SLC9A6: variants seen among roughly 807,000 people sequenced by gnomAD.
SLC9A6 encodes sodium/hydrogen exchanger 6.
In SLC9A6, 6 loss-of-function variants were observed where a neutral mutation model predicts 45.3. That is an observed-to-expected ratio of 0.13 (90% CI 0.07 to 0.26). The LOEUF (loss-of-function observed/expected upper bound fraction) is 0.26. Among genes scored for constraint, SLC9A6 ranks in the 10% least tolerant of loss-of-function variants. The pLI, the probability that SLC9A6 is intolerant of heterozygous loss-of-function variation, is 1.00. For missense variants in SLC9A6, 278 were observed against 503.7 expected (o/e 0.55, Z 4.29); for synonymous variants, 191 against 187.7 (o/e 1.02, Z -0.14).
chrX:136,035,107 C>T (rs1183910851), intron 16 of SLC9A6, among the ~76,000 whole-genome samples: 1 of 111,802 alleles, frequency 8.9e-6, no homozygotes, highest in Non-Finnish European at 1.9e-5. Context: ...CCTATTAAGT[C>T]CTACTCAATG....
intron 15 of SLC9A6, 23 bp from the exon 16 acceptor site, chrX:136,033,391 A>G (rs1556621387): frequency 9.9e-7 from 1 of 1,010,408 alleles, no homozygotes; most frequent in Admixed American, 2.2e-5. Flanking sequence ...ATAGATATTG[A>G]TTTCTGTATT....
At chrX:135,978,928 C>A (rs782314524) in intron 1 of SLC9A6, among the ~76,000 whole-genome samples, 4 of 110,564 alleles carry the variant, frequency 3.6e-5, no homozygotes, top group Non-Finnish European at 7.6e-5. Flanking sequence ...ACACCAGATA[C>A]CACCACACTA....
chrX:135,978,651 C>CA (rs201997429), intron 1 of SLC9A6, among the ~76,000 whole-genome samples: 10,833 of 80,903 alleles, frequency 0.13, 525 homozygotes, highest in Admixed American at 0.17. Context: ...GACTCCATCT[C>CA]AAAAAAAAAA....
At chrX:136,038,467 G>A (rs782400216) in intron 16 of SLC9A6, among the ~76,000 whole-genome samples, 1 of 111,706 alleles carries the variant, frequency 9.0e-6, no homozygotes, top group East Asian at 2.8e-4. Flanking sequence ...TGATTTTTGT[G>A]TCTATTTTTA....
At chrX:136,039,902 A>G in intron 16 of SLC9A6, 174 bp from the exon 17 acceptor site, 1 of 483,935 alleles carries the variant, frequency 2.1e-6, no homozygotes, top group East Asian at 3.7e-5. Flanking sequence ...GAGATGATAA[A>G]ATACCCCTTT....
intron 3 of SLC9A6, 23 bp downstream of exon 3, chrX:135,995,008 T>C (rs1556616297): frequency 1.9e-6 from 2 of 1,069,133 alleles, no homozygotes; most frequent in Non-Finnish European, 2.6e-6. Context: ...AGGAAATCTT[T>C]GAATCTTTTT....
chrX:135,989,916 G>T (rs1189268105), intron 2 of SLC9A6, among the ~76,000 whole-genome samples: 1 of 110,032 alleles, frequency 9.1e-6, no homozygotes, highest in African/African-American at 3.3e-5. Context: ...TTTTGTTTTT[G>T]TTTTTGTTTT....
intron 3 of SLC9A6, among the ~76,000 whole-genome samples, chrX:135,996,911 C>T (rs782733742): frequency 9.1e-5 from 10 of 109,531 alleles, no homozygotes; most frequent in South Asian, 7.9e-4. Flanking sequence ...GGACTACAGG[C>T]GCCCGCCACC....
Position 136,045,935 on chromosome X carries a change from C to A in SLC9A6, c.*1211C>A, listed in dbSNP as rs896910904. 2 of 110,022 alleles carry A rather than the reference C, an allele frequency of 1.8e-5. No homozygotes were observed. Among genetic ancestry groups the A allele is most frequent in the Non-Finnish European group, 3.8e-5 (2 of 52,668 alleles). The allele number at this position is 110,022 out of a possible 1,213,427, so 9.1% of individuals were successfully genotyped here. A position where few individuals can be genotyped will look rare whatever the true frequency, so the allele number is the denominator to read the frequency against. ...TACGTTTTAATATTAATTACCTAAGCTGCCATGCATTTTTTTTTTTACAGT... is the reference window on the plus strand; with the variant it reads ...TACGTTTTAATATTAATTACCTAAGATGCCATGCATTTTTTTTTTTACAGT... On this transcript the variant is annotated 3_prime_UTR_variant, in exon 18 of 18. Transcript: ENST00000630721.
At chrX:135,985,519 G>T in intron 1 of SLC9A6, 42 bp downstream of exon 1, 1 of 1,121,799 alleles carries the variant, frequency 8.9e-7, no homozygotes, top group African/African-American at 1.8e-5. Context: ...CGGCGCGGCT[G>T]GCGGCGGGCA....
chrX:135,975,562 A>G (rs1322068383), intron 1 of SLC9A6, among the ~76,000 whole-genome samples: 1 of 112,405 alleles, frequency 8.9e-6, no homozygotes, highest in Non-Finnish European at 1.9e-5. Flanking sequence ...GAGAGAACAG[A>G]GATTTCTCTG....
At chrX:136,005,646 C>T (rs1556617876) in intron 7 of SLC9A6, among the ~76,000 whole-genome samples, 1 of 104,646 alleles carries the variant, frequency 9.6e-6, no homozygotes, top group East Asian at 3.0e-4. Context: ...TCGGCACTGC[C>T]CTCCAGCCTG....
chrX:136,028,553 G>T (rs781966745), intron 13 of SLC9A6, among the ~76,000 whole-genome samples: 1 of 112,435 alleles, frequency 8.9e-6, no homozygotes, highest in African/African-American at 3.2e-5. Context: ...TATTACAAGT[G>T]TGCTATCTTC....
intron 2 of SLC9A6, among the ~76,000 whole-genome samples, chrX:135,986,305 A>G (rs1356730854): frequency 9.0e-6 from 1 of 110,541 alleles, no homozygotes; most frequent in Non-Finnish European, 1.9e-5. Flanking sequence ...ACCTTTACTC[A>G]ACACCTAGCT....
chrX:136,026,401 G>T lies in SLC9A6; in HGVS notation c.1460+1918G>T, dbSNP rs1028662494. Among the ~76,000 whole-genome samples, 3 of 111,862 alleles carry T rather than the reference G, an allele frequency of 2.7e-5. No individual in the cohort carries two copies. The East Asian group carries it at 8.4e-4, about 31-fold the overall frequency. ...TATGTTATAGTACCTACCTCCTTGG[G>T]TTGTTGTAAGGATTCAGTGAGCTAA... On this transcript the variant is annotated intron_variant, in intron 13 of 17. Transcript: ENST00000630721.
intron 1 of SLC9A6, chrX:135,975,046 G>A: frequency 6.9e-6 from 1 of 144,989 alleles, no homozygotes; most frequent in Non-Finnish European, 1.4e-5. Context: ...CCCCTGGGGA[G>A]CTCACCCATT....
intron 2 of SLC9A6, among the ~76,000 whole-genome samples, chrX:135,988,518 CTCTTTCTTTCTCTCTCTT>C (rs2089379726): frequency 1.2e-5 from 1 of 86,246 alleles, no homozygotes; most frequent in Admixed American, 1.4e-4. Flanking sequence ...TTCTTTCTCT[CTCTTTCTTTCTCTCTCTT>C]TCTTTCTTTC....
chrX:136,034,320 A>G (rs1556621570), intron 16 of SLC9A6, among the ~76,000 whole-genome samples: 1 of 110,833 alleles, frequency 9.0e-6, no homozygotes, highest in African/African-American at 3.3e-5. Context: ...ATGAGAATCT[A>G]ATGTCTGATG....
chrX:136,019,184 C>T (rs1187861785), intron 11 of SLC9A6, among the ~76,000 whole-genome samples: 3 of 112,207 alleles, frequency 2.7e-5, no homozygotes, highest in Non-Finnish European at 3.8e-5. Context: ...TGAAAAGACT[C>T]AAACTAATCC....
Sources: gnomAD v4.1 joint callset for allele counts (sites outside exome capture counted in the v4.1 genomes callset) on GRCh38, gnomAD v4.1.1 for gene constraint, MANE v1.5 for transcripts, NCBI Gene and HGNC (gene_info 2026-07-23, HGNC 2026-07-21) for gene names.